GPBP1: variants seen among roughly 807,000 people sequenced by gnomAD.
The protein encoded by GPBP1 is GC-rich promoter binding protein 1, also known as vasculin.
In GPBP1, 13 loss-of-function variants were observed where a neutral mutation model predicts 56.5. The ratio of observed to expected loss-of-function variants is 0.23; its 90% CI spans 0.15 to 0.37. The LOEUF is 0.37. Ranked by LOEUF, GPBP1 falls within the 10% of genes least tolerant of loss-of-function variation. GPBP1 has a pLI of 1.00. For synonymous variants in GPBP1, 204 were observed against 188.9 expected, an observed-to-expected ratio of 1.08 and a Z score of -0.66; for missense variants, 477 against 572.3, an observed-to-expected ratio of 0.83 and a Z score of 1.70.
chr5:57,182,383 C>CT (rs1754091087), intron 2 of GPBP1, among the ~76,000 whole-genome samples: 2 of 146,118 alleles, frequency 1.4e-5, no homozygotes, highest in South Asian at 2.2e-4. Flanking sequence ...TGTGCCTGGC[C>CT]TTTTTTTGAG....
intron 6 of GPBP1, among the ~76,000 whole-genome samples, chr5:57,239,618 A>G (rs532468637): frequency 2.6e-5 from 4 of 152,266 alleles, no homozygotes; most frequent in Non-Finnish European, 5.9e-5. Context: ...CGTTTCTACT[A>G]AAAATACAAA....
At position 57,264,256 on chromosome 5, in the gene GPBP1, A is replaced by G. The variant is rs1742024191; in HGVS notation, c.*1504A>G. The stretch of plus-strand genomic sequence containing the variant: ...CTTATACTTAAAATAAGGTTTCACT[A>G]TATAATTTGTCACAATTCAATCTAA... On this transcript the variant is annotated 3_prime_UTR_variant, in exon 12 of 12. Coordinates refer to ENST00000506184, the MANE Select transcript of GPBP1 (RefSeq NM_022913.4). 6.6e-6 allele frequency: 1 copy of G among 152,184 alleles called. No homozygotes were observed. The highest frequency in any genetic ancestry group is 6.5e-5 in the Admixed American group (1 of 15,268). 9.4% of individuals were successfully genotyped at this position (152,184 alleles called of 1,614,324 possible).
intron 3 of GPBP1, among the ~76,000 whole-genome samples, chr5:57,229,810 A>T (rs1756363014): frequency 6.6e-6 from 1 of 152,098 alleles, no homozygotes; most frequent in Admixed American, 6.6e-5. Flanking sequence ...AAGTGCTGGG[A>T]TTACAGGCGT....
At chr5:57,230,191 G>A (rs761560754) in intron 3 of GPBP1, among the ~76,000 whole-genome samples, 2 of 151,488 alleles carry the variant, frequency 1.3e-5, no homozygotes, top group Non-Finnish European at 2.9e-5. Context: ...CTCGGCCTCC[G>A]AAAGTGCTGG....
chr5:57,246,193 TAGTTA>T (rs1242854768), intron 6 of GPBP1, 102 bp from the exon 7 acceptor site: 30 of 657,594 alleles, frequency 4.6e-5, no homozygotes, highest in South Asian at 3.4e-4. Flanking sequence ...AGGCAGCTGT[TAGTTA>T]AAAAAAAAAA....
At chr5:57,218,233 G>C (rs1322798270) in intron 3 of GPBP1, among the ~76,000 whole-genome samples, 2 of 152,124 alleles carry the variant, frequency 1.3e-5, no homozygotes, top group East Asian at 1.9e-4. Flanking sequence ...GATAGGGTCA[G>C]ATCCCACAGG....
At chr5:57,192,748 C>T (rs1355240805) in intron 2 of GPBP1, among the ~76,000 whole-genome samples, 3 of 99,546 alleles carry the variant, frequency 3.0e-5, no homozygotes, top group South Asian at 3.7e-4. Context: ...AGCGGAACTC[C>T]GTCTCAAAAA....
At position 57,234,027 on chromosome 5, in the gene GPBP1, G is replaced by C. The variant is rs187549716; in HGVS notation, c.412-1939G>C. 3.8e-3 allele frequency among the ~76,000 whole-genome samples: 573 copies of C among 152,174 alleles called. 7 individuals are homozygous for C. Among genetic ancestry groups the C allele is most frequent in the African/African-American group, 0.013 (537 of 41,518 alleles). On this transcript the variant is annotated intron_variant, in intron 5 of 11. Coordinates refer to ENST00000506184, the MANE Select transcript of GPBP1 (RefSeq NM_022913.4). The stretch of plus-strand genomic sequence containing the variant: ...ACTTGGCAGAGTATAATTTCTAATA[G>C]TATACTTTAAAGATGCTATGCACAT...
intron 2 of GPBP1, among the ~76,000 whole-genome samples, chr5:57,181,407 C>T (rs894106451): frequency 1.0e-4 from 15 of 150,412 alleles, no homozygotes; most frequent in African/African-American, 3.4e-4. Flanking sequence ...CGACACTGCA[C>T]TCCAGCTTGG....
intron 10 of GPBP1, 43 bp from the exon 11 acceptor site, chr5:57,261,137 C>T (rs1385719669): frequency 8.3e-7 from 1 of 1,200,924 alleles, no homozygotes. Context: ...CTGTCCTACT[C>T]AGGGTAAGCT....
intron 2 of GPBP1, among the ~76,000 whole-genome samples, chr5:57,212,327 C>G (rs1436643753): frequency 6.6e-6 from 1 of 152,160 alleles, no homozygotes; most frequent in Non-Finnish European, 1.5e-5. Flanking sequence ...TATTTAACTT[C>G]ATGTTAAAAG....
In GPBP1 at chr5:57,202,629, C is replaced by A. The variant is rs566122475; in HGVS notation, c.-57-11445C>A. Reference sequence around the variant, plus strand: ...AAAGCTTATCTATCATTTGAACCCTCGAAGTGATGACATTTTTTGGTAAGT... The same window carrying A: ...AAAGCTTATCTATCATTTGAACCCTAGAAGTGATGACATTTTTTGGTAAGT... On this transcript the variant is annotated intron_variant, in intron 2 of 11. Transcript: ENST00000506184. 5.9e-5 allele frequency among the ~76,000 whole-genome samples: 9 copies of A among 152,100 alleles called. No individual in the cohort carries two copies. In the East Asian group the frequency reaches 1.7e-3, roughly 29 times the overall value.
At chr5:57,226,553 CTTTTTTT>C (rs34180383) in intron 3 of GPBP1, among the ~76,000 whole-genome samples, 3 of 62,124 alleles carry the variant, frequency 4.8e-5, no homozygotes, top group Non-Finnish European at 8.4e-5. Flanking sequence ...AGCATTTTTG[CTTTTTTT>C]TTTTTTTTTT....
chr5:57,199,226 G>A (rs1754893503), intron 2 of GPBP1, among the ~76,000 whole-genome samples: 1 of 152,068 alleles, frequency 6.6e-6, no homozygotes, highest in South Asian at 2.1e-4. Context: ...CGATATTCTT[G>A]TTTTGTAGAT....
In GPBP1 at chr5:57,219,405, C is replaced by CAAA. The variant is rs1200185260; in HGVS notation, c.63+5215_63+5217dup. On this transcript the variant is annotated intron_variant, in intron 3 of 11. Coordinates refer to ENST00000506184, the MANE Select transcript of GPBP1 (RefSeq NM_022913.4). Reference sequence around the variant, plus strand: ...AAAAAAAAAAAAAAAAAAAAAAAACCAAAAACAAACAAACAAAAAAAAAAA... The same window carrying CAAA: ...AAAAAAAAAAAAAAAAAAAAAAAACCAAAAAAAACAAACAAACAAAAAAAAAAA... Among the ~76,000 whole-genome samples, 94 of 34,118 alleles carry CAAA rather than the reference C, an allele frequency of 2.8e-3. 1 individual carries two copies. Among genetic ancestry groups the CAAA allele is most frequent in the East Asian group, 3.9e-3 (2 of 514 alleles). 22.4% of individuals were successfully genotyped at this position (34,118 alleles called of 152,430 possible). A position where few individuals can be genotyped will look rare whatever the true frequency, so the allele number is the denominator to read the frequency against.
At chr5:57,250,839 C>A in intron 9 of GPBP1, 115 bp from the exon 10 acceptor site, 1 of 725,168 alleles carries the variant, frequency 1.4e-6, no homozygotes, top group Non-Finnish European at 2.2e-6. Flanking sequence ...GCCACTGCGC[C>A]TGGCCGCATT....
Position 57,190,694 on chromosome 5 carries a change from CTTTTTTTT to C in GPBP1, c.-58+14315_-58+14322del, listed in dbSNP as rs773540051. On this transcript the variant is annotated intron_variant, in intron 2 of 11. Coordinates refer to ENST00000506184, the MANE Select transcript of GPBP1 (RefSeq NM_022913.4). ...AGACTGGCTTTGGATTTGCTGTTAGCTTTTTTTTTTTTTTTTTTTTTTTTTTTTCCTGA... is the reference window on the plus strand; with the variant it reads ...AGACTGGCTTTGGATTTGCTGTTAGCTTTTTTTTTTTTTTTTTTTTCCTGA... Among the ~76,000 whole-genome samples, 190 of 68,860 alleles carry C rather than the reference CTTTTTTTT, an allele frequency of 2.8e-3. 1 individual carries two copies. The highest frequency in any genetic ancestry group is 4.2e-3 in the Non-Finnish European group (149 of 35,302). 45.2% of individuals were successfully genotyped at this position (68,860 alleles called of 152,430 possible). A position where few individuals can be genotyped will look rare whatever the true frequency, so the allele number is the denominator to read the frequency against.
At chr5:57,240,075 G>C (rs1740751807) in intron 6 of GPBP1, among the ~76,000 whole-genome samples, 1 of 151,950 alleles carries the variant, frequency 6.6e-6, no homozygotes, top group South Asian at 2.1e-4. Context: ...GGAGACCCTT[G>C]TCTCTACAAA....
chr5:57,228,860 T>A (rs191238632), intron 3 of GPBP1, among the ~76,000 whole-genome samples: 24 of 151,752 alleles, frequency 1.6e-4, no homozygotes, highest in Admixed American at 1.6e-3. Flanking sequence ...AGTATAGATA[T>A]ACATGTGCAT....
Sources: allele counts gnomAD v4.1 joint callset (sites outside exome capture counted in the v4.1 genomes callset), GRCh38; gene constraint gnomAD v4.1.1; transcripts MANE v1.5; gene names NCBI Gene and HGNC (gene_info 2026-07-23, HGNC 2026-07-21).